Variants in FHIT observed in about 807,000 individuals in gnomAD.
The protein encoded by FHIT is bis(5'-adenosyl)-triphosphatase.
In FHIT, 19 loss-of-function variants were observed where a neutral mutation model predicts 17.9. The observed-to-expected ratio is 1.06, with a 90% CI of 0.74 to 1.56. The LOEUF (loss-of-function observed/expected upper bound fraction) is 1.56. Among genes scored for constraint, FHIT ranks in the 40% most tolerant of loss-of-function variants. The pLI, the probability that FHIT is intolerant of heterozygous loss-of-function variation, is 0.00. For missense variants in FHIT, 248 were observed against 189.2 expected, an observed-to-expected ratio of 1.31 and a Z score of -1.82; for synonymous variants, 81 against 69.7, an observed-to-expected ratio of 1.16 and a Z score of -0.81.
At chr3:60,910,159 C>G (rs1341467967) in intron 3 of FHIT, among the ~76,000 whole-genome samples, 2 of 152,154 alleles carry the variant, frequency 1.3e-5, no homozygotes, top group African/African-American at 4.8e-5. Context: ...GAATGTGACT[C>G]AATCTAACCA....
At chr3:59,875,120 G>A (rs1191172604) in intron 8 of FHIT, among the ~76,000 whole-genome samples, 1 of 152,184 alleles carries the variant, frequency 6.6e-6, no homozygotes, top group Non-Finnish European at 1.5e-5. Flanking sequence ...CCTGTCCAGA[G>A]GAGAAGAGTG....
chr3:60,664,029 A>G (rs2040324109), intron 4 of FHIT, among the ~76,000 whole-genome samples: 2 of 152,062 alleles, frequency 1.3e-5, no homozygotes, highest in South Asian at 4.1e-4. Context: ...ACTTTCCAGT[A>G]CTGGTTGAAT....
At chr3:60,779,452 T>C (rs1553725240) in intron 4 of FHIT, among the ~76,000 whole-genome samples, 1 of 152,160 alleles carries the variant, frequency 6.6e-6, no homozygotes, top group African/African-American at 2.4e-5. Context: ...GGTGATGGAA[T>C]AAATAGGGTG....
chr3:59,817,377 C>T (rs528473324), intron 8 of FHIT, among the ~76,000 whole-genome samples: 5 of 151,984 alleles, frequency 3.3e-5, no homozygotes, highest in Admixed American at 6.6e-5. Context: ...ATCCACCAAA[C>T]GGGTGTGTGG....
chr3:60,401,794 A>C (rs1481952164), intron 5 of FHIT, among the ~76,000 whole-genome samples: 6 of 152,202 alleles, frequency 3.9e-5, no homozygotes, highest in Admixed American at 3.3e-4. Flanking sequence ...AAAAGATAAA[A>C]GGAAATAGAG....
chr3:61,126,816 T>C (rs1217805270), intron 2 of FHIT, among the ~76,000 whole-genome samples: 3 of 151,710 alleles, frequency 2.0e-5, no homozygotes, highest in Non-Finnish European at 4.4e-5. Flanking sequence ...ACTTGAATGG[T>C]GTGGGCCTCA....
intron 1 of FHIT, among the ~76,000 whole-genome samples, chr3:61,250,462 C>T (rs1257211957): frequency 2.0e-5 from 3 of 152,182 alleles, no homozygotes; most frequent in Admixed American, 1.3e-4. Flanking sequence ...CTTTCACAAG[C>T]ATAACCTCAA....
At chr3:60,572,726 G>A (rs1359043823) in intron 4 of FHIT, among the ~76,000 whole-genome samples, 1 of 152,132 alleles carries the variant, frequency 6.6e-6, no homozygotes, top group Non-Finnish European at 1.5e-5. Context: ...AGGATAGAAG[G>A]CTTTAGATGG....
intron 3 of FHIT, among the ~76,000 whole-genome samples, chr3:60,988,910 G>C (rs900937776): frequency 4.4e-5 from 1 of 22,912 alleles, no homozygotes; most frequent in Non-Finnish European, 7.4e-5. Context: ...CTTGTTAAAA[G>C]GCTTTTTTTT....
chr3:60,010,783 A>G (rs1239890770), intron 7 of FHIT, among the ~76,000 whole-genome samples: 1 of 152,148 alleles, frequency 6.6e-6, no homozygotes, highest in East Asian at 1.9e-4. Context: ...CTCCTAGCAC[A>G]CTTAAAAACC....
chr3:60,768,829 C>T (rs1391241140), intron 4 of FHIT, among the ~76,000 whole-genome samples: 1 of 152,190 alleles, frequency 6.6e-6, no homozygotes, highest in Non-Finnish European at 1.5e-5. Context: ...CCGCAAACTG[C>T]CTGATTAATA....
At chr3:59,782,578 G>A (rs1469703135) in intron 8 of FHIT, among the ~76,000 whole-genome samples, 1 of 152,188 alleles carries the variant, frequency 6.6e-6, no homozygotes, top group African/African-American at 2.4e-5. Context: ...GTTCATTTAA[G>A]AGGAAGGGCT....
At position 59,779,018 on chromosome 3, in the gene FHIT, T is replaced by G. The variant is rs562153038; in HGVS notation, c.349-26697A>C. 4.6e-5 allele frequency among the ~76,000 whole-genome samples: 7 copies of G among 152,310 alleles called. No individual in the cohort carries two copies. In the South Asian group the frequency reaches 1.5e-3, roughly 32 times the overall value. On this transcript the variant is annotated intron_variant, in intron 8 of 9. Transcript: ENST00000492590. ...ATACCAGATGGTGGACCTGCCCTTA[T>G]TCCACTGTTAGAAAGGAAGAGAATG...
At chr3:60,915,308 G>A (rs1344752208) in intron 3 of FHIT, among the ~76,000 whole-genome samples, 3 of 152,062 alleles carry the variant, frequency 2.0e-5, no homozygotes, top group African/African-American at 2.4e-5. Context: ...TATAAAAGTG[G>A]GGAATGACAC....
intron 2 of FHIT, among the ~76,000 whole-genome samples, chr3:61,144,076 A>G (rs1576097488): frequency 6.6e-6 from 1 of 152,302 alleles, no homozygotes; most frequent in South Asian, 2.1e-4. Flanking sequence ...AAATTCACCC[A>G]TTTAAACTGT....
At chr3:60,385,431 T>C (rs1191680962) in intron 5 of FHIT, among the ~76,000 whole-genome samples, 1 of 152,214 alleles carries the variant, frequency 6.6e-6, no homozygotes, top group East Asian at 1.9e-4. Flanking sequence ...AGTTTTATAG[T>C]ACTTATTACT....
At chr3:59,998,686 C>A (rs756946868) in intron 7 of FHIT, among the ~76,000 whole-genome samples, 1 of 152,068 alleles carries the variant, frequency 6.6e-6, no homozygotes. Context: ...TATTCCAACA[C>A]AGGAAATAAG....
intron 4 of FHIT, among the ~76,000 whole-genome samples, chr3:60,575,918 C>G (rs1337520525): frequency 2.6e-5 from 4 of 152,136 alleles, no homozygotes; most frequent in Admixed American, 1.3e-4. Context: ...CTCAAAGCCA[C>G]TGGCAGCCAC....
At chr3:60,347,313 A>G (rs1288247144) in intron 5 of FHIT, among the ~76,000 whole-genome samples, 1 of 152,222 alleles carries the variant, frequency 6.6e-6, no homozygotes, top group Non-Finnish European at 1.5e-5. Context: ...CATTAAAATA[A>G]TATTTCAAAG....
Sources: gnomAD v4.1 joint callset for allele counts (sites outside exome capture counted in the v4.1 genomes callset) on GRCh38, gnomAD v4.1.1 for gene constraint, MANE v1.5 for transcripts, NCBI Gene and HGNC (gene_info 2026-07-23, HGNC 2026-07-21) for gene names.